The following GPX6 variants were observed in gnomAD, a reference collection of about 807,000 sequenced individuals.
The protein encoded by GPX6 is glutathione peroxidase 6.
Under a neutral mutation model 20.0 loss-of-function variants are expected in GPX6, and 21 were observed. The ratio of observed to expected loss-of-function variants is 1.05; its 90% CI spans 0.74 to 1.51. The LOEUF (loss-of-function observed/expected upper bound fraction) is 1.51, where lower values mean the gene tolerates loss of function less well. GPX6 is among the 40% of genes most tolerant of loss of function. GPX6 has a pLI of 0.00. For synonymous variants in GPX6, 75 were observed against 98.0 expected (o/e 0.77, Z 1.38); for missense variants, 233 against 254.7 (o/e 0.91, Z 0.58).
In GPX6 at chr6:28,504,244, C is replaced by T. The variant is rs1762784332; in HGVS notation, c.*48G>A. The T allele has an allele frequency of 2.6e-6, 4 of 1,552,634 alleles. No homozygotes were observed. The highest frequency in any genetic ancestry group is 1.4e-5 in the African/African-American group (1 of 73,564). On this transcript the variant is annotated 3_prime_UTR_variant, in exon 5 of 5. Coordinates refer to ENST00000361902, the MANE Select transcript of GPX6 (RefSeq NM_182701.1). ...AAGATGGATGCTTTGTTAGACATTC[C>T]TGCAGGTGGGAGACAGGGTAGTTAT... is the stretch of plus-strand genomic sequence containing the variant.
At position 28,506,381 on chromosome 6, in the gene GPX6, A is replaced by AAC; in HGVS notation, c.288_289dup (p.Leu97CysfsTer?). Reference sequence around the variant, plus strand: ...TCCAAACTGGTTGCAGGGAAAGGCCAACACAATGACACCAAAATTCTTCAG... The same window carrying AAC: ...TCCAAACTGGTTGCAGGGAAAGGCCAACACACAATGACACCAAAATTCTTCAG... On this transcript the variant is annotated frameshift_variant, in exon 3 of 5. Transcript: ENST00000361902. LOFTEE classifies it high-confidence loss of function. 1 of 1,614,020 alleles carries AAC rather than the reference A, an allele frequency of 6.2e-7. No homozygotes were observed. Among genetic ancestry groups the AAC allele is most frequent in the Non-Finnish European group, 8.5e-7 (1 of 1,179,880 alleles).
intron 2 of GPX6, 100 bp from the exon 3 acceptor site, chr6:28,506,529 G>A (rs888645107): frequency 3.4e-5 from 25 of 727,128 alleles, no homozygotes; most frequent in East Asian, 1.5e-4. Context: ...TGAATAAACC[G>A]AGGACTAAGA....
rs1464777987 is a variant in GPX6 at position 28,505,690 on chromosome 6, T to C, written c.459+13A>G. ...CTAGCTAACCCATCCATGCCAGGTTTATACTCATGCACCTTCAGGAAAGTA... is the reference window on the plus strand; with the variant it reads ...CTAGCTAACCCATCCATGCCAGGTTCATACTCATGCACCTTCAGGAAAGTA... On this transcript the variant is annotated intron_variant, in intron 4 of 4. Coordinates refer to ENST00000361902, the MANE Select transcript of GPX6 (RefSeq NM_182701.1). 6.2e-7 allele frequency: 1 copy of C among 1,603,234 alleles called. No homozygotes were observed. Among genetic ancestry groups the C allele is most frequent in the Non-Finnish European group, 8.5e-7 (1 of 1,170,252 alleles).
chr6:28,514,866 A>C (rs1193837889), intron 1 of GPX6, among the ~76,000 whole-genome samples: 2 of 152,248 alleles, frequency 1.3e-5, no homozygotes, highest in Non-Finnish European at 2.9e-5. Context: ...GAATAAATTC[A>C]TCTGATTTTA....
chr6:28,513,450 C>T (rs1001834318), intron 1 of GPX6, among the ~76,000 whole-genome samples: 1 of 152,170 alleles, frequency 6.6e-6, no homozygotes, highest in Non-Finnish European at 1.5e-5. Context: ...CGGCGGGGAA[C>T]TGAAGCAGCG....
intron 1 of GPX6, 99 bp from the exon 2 acceptor site, chr6:28,511,003 T>C (rs1240715708): frequency 2.9e-6 from 3 of 1,027,566 alleles, no homozygotes; most frequent in Admixed American, 5.7e-5. Flanking sequence ...TCATGTAATA[T>C]CTTGAAATTC....
In GPX6 at chr6:28,504,022, AACAC is replaced by A. The variant is rs67996303; in HGVS notation, c.*266_*269del. The A allele has an allele frequency of 9.1e-3, 3,060 of 334,622 alleles. No individual in the cohort carries two copies. The highest frequency in any genetic ancestry group is 0.026 in the East Asian group (461 of 17,570). The allele number at this position is 334,622 out of a possible 1,614,324, so 20.7% of individuals were successfully genotyped here. On this transcript the variant is annotated 3_prime_UTR_variant, in exon 5 of 5. Coordinates refer to ENST00000361902, the MANE Select transcript of GPX6 (RefSeq NM_182701.1). ...TAGGTGTTCTTTTCCTTAATCTTCA[AACAC>A]ACACACACACACACACACACACACC...
At chr6:28,505,404 A>G (rs1776775998) in intron 4 of GPX6, among the ~76,000 whole-genome samples, 1 of 152,226 alleles carries the variant, frequency 6.6e-6, no homozygotes, top group Admixed American at 6.5e-5. Flanking sequence ...CCTTCAGGGA[A>G]CAGACTATGC....
At chr6:28,512,379 T>C (rs1304455727) in intron 1 of GPX6, among the ~76,000 whole-genome samples, 1 of 152,214 alleles carries the variant, frequency 6.6e-6, no homozygotes, top group East Asian at 1.9e-4. Flanking sequence ...GCTCAGGGTT[T>C]GTGAATGCAC....
In GPX6 at chr6:28,504,398, A is replaced by G. The variant is rs766809704; in HGVS notation, c.560T>C (p.Leu187Pro). ...GACAGGGACTCCATCGGGCCCCACC[A>G]GAAATTTCTCAAAGTTCCAGCGGAT... ...HDIRWNFEKF[L>P]VGPDGVPVMH... The change falls in exon 5 of 5, where the codon CTG (leucine) becomes CCG (proline). Residue 187 changes from leucine (L) to proline (P), a missense_variant. Coordinates refer to ENST00000361902, the MANE Select transcript of GPX6 (RefSeq NM_182701.1). The G allele has an allele frequency of 1.8e-5, 29 of 1,614,218 alleles. No individual in the cohort carries two copies. In the African/African-American group the frequency reaches 2.1e-4, roughly 12 times the overall value.
chr6:28,511,506 G>A (rs1005494148), intron 1 of GPX6, among the ~76,000 whole-genome samples: 1 of 152,246 alleles, frequency 6.6e-6, no homozygotes, highest in African/African-American at 2.4e-5. Context: ...CATGAGGACA[G>A]GCACTCCTGC....
intron 1 of GPX6, among the ~76,000 whole-genome samples, chr6:28,515,306 G>A (rs1763004507): frequency 6.6e-6 from 1 of 152,092 alleles, no homozygotes; most frequent in Non-Finnish European, 1.5e-5. Context: ...CATTTGTTGG[G>A]ATCCACAGCG....
At chr6:28,512,166 A>ACTGC (rs1762891600) in intron 1 of GPX6, among the ~76,000 whole-genome samples, 1 of 152,212 alleles carries the variant, frequency 6.6e-6, no homozygotes, top group African/African-American at 2.4e-5. Flanking sequence ...AGGGCTGAGG[A>ACTGC]GTGCGGGCGC....
At chr6:28,513,777 C>T (rs1762972458) in intron 1 of GPX6, among the ~76,000 whole-genome samples, 1 of 152,214 alleles carries the variant, frequency 6.6e-6, no homozygotes, top group Admixed American at 6.5e-5. Flanking sequence ...CACAGGATCT[C>T]AGTCCATAAA....
At chr6:28,513,306 A>G (rs1012684652) in intron 1 of GPX6, among the ~76,000 whole-genome samples, 3 of 152,208 alleles carry the variant, frequency 2.0e-5, no homozygotes, top group African/African-American at 7.2e-5. Flanking sequence ...TGGGTGGCTG[A>G]ACTAAGAGCA....
intron 1 of GPX6, among the ~76,000 whole-genome samples, chr6:28,513,226 C>G (rs749377100): frequency 6.6e-6 from 1 of 152,160 alleles, no homozygotes; most frequent in South Asian, 2.1e-4. Context: ...AGGCAAGATC[C>G]CTGGGATACA....
intron 1 of GPX6, among the ~76,000 whole-genome samples, chr6:28,512,552 C>G (rs1193139857): frequency 1.3e-5 from 2 of 152,180 alleles, no homozygotes; most frequent in Admixed American, 6.5e-5. Flanking sequence ...CCACTCGGCT[C>G]TCTGTAAAAT....
chr6:28,509,510 G>T (rs1379373696), intron 2 of GPX6, among the ~76,000 whole-genome samples: 2 of 152,154 alleles, frequency 1.3e-5, no homozygotes, highest in Non-Finnish European at 2.9e-5. Context: ...CTCCAGCCTG[G>T]GCGACAGAGC....
chr6:28,506,052 T>C (rs1000594187), intron 3 of GPX6, among the ~76,000 whole-genome samples: 1 of 152,256 alleles, frequency 6.6e-6, no homozygotes, highest in Non-Finnish European at 1.5e-5. Context: ...TTCCATTTCT[T>C]ATTTCTTATA....
Sources: allele counts gnomAD v4.1 joint callset (sites outside exome capture counted in the v4.1 genomes callset), GRCh38; gene constraint gnomAD v4.1.1; transcripts MANE v1.5; gene names NCBI Gene and HGNC (gene_info 2026-07-23, HGNC 2026-07-21).